Variants in CSMD1 observed in about 807,000 individuals in gnomAD.
CSMD1 encodes CUB and sushi domain-containing protein 1.
Under a neutral mutation model 417.5 loss-of-function variants are expected in CSMD1, and 213 were observed. The ratio of observed to expected loss-of-function variants is 0.51; its 90% CI spans 0.46 to 0.57. The LOEUF (loss-of-function observed/expected upper bound fraction) is 0.57. Ranked by LOEUF, CSMD1 falls within the 20% of genes least tolerant of loss-of-function variation. The probability of loss-of-function intolerance (pLI) is 0.00; values close to 1 mark genes in which losing one functional copy is unlikely to be tolerated. For missense variants in CSMD1, 6,923 were observed against 4,529.7 expected, an observed-to-expected ratio of 1.53 and a Z score of -15.17; for synonymous variants, 2,862 against 1,736.8, an observed-to-expected ratio of 1.65 and a Z score of -16.11.
At chr8:3,541,592 A>AAAAT (rs200994227) in intron 10 of CSMD1, among the ~76,000 whole-genome samples, 5,853 of 149,892 alleles carry the variant, frequency 0.039, 336 homozygotes, top group African/African-American at 0.12. Context: ...AAATAAAAAT[A>AAAAT]AAATACTCTA....
chr8:3,450,132 T>A (rs1003790044), intron 12 of CSMD1, among the ~76,000 whole-genome samples: 2 of 152,112 alleles, frequency 1.3e-5, no homozygotes, highest in African/African-American at 4.8e-5. Flanking sequence ...CACATCAGGA[T>A]TTGCTTCGAT....
chr8:4,352,922 T>C (rs1801182319), intron 3 of CSMD1, among the ~76,000 whole-genome samples: 1 of 152,196 alleles, frequency 6.6e-6, no homozygotes, highest in Non-Finnish European at 1.5e-5. Context: ...TTAGGCAAAA[T>C]ATTTATAAGT....
At chr8:4,564,159 G>A (rs566486093) in intron 2 of CSMD1, among the ~76,000 whole-genome samples, 6 of 152,282 alleles carry the variant, frequency 3.9e-5, no homozygotes, top group Non-Finnish European at 8.8e-5. Context: ...AGGTTCAGAA[G>A]ATAATGGTCA....
intron 3 of CSMD1, among the ~76,000 whole-genome samples, chr8:4,163,669 T>A (rs548365304): frequency 6.6e-6 from 1 of 152,312 alleles, no homozygotes; most frequent in Non-Finnish European, 1.5e-5. Context: ...GAAATAATTT[T>A]AAAACAAGAA....
intron 10 of CSMD1, among the ~76,000 whole-genome samples, chr8:3,558,383 C>T (rs529872639): frequency 2.5e-4 from 36 of 144,492 alleles, no homozygotes; most frequent in Non-Finnish European, 5.1e-4. Flanking sequence ...CTCAGTAGTA[C>T]CCCGTGTCCA....
intron 7 of CSMD1, among the ~76,000 whole-genome samples, chr8:3,642,793 A>G (rs1483836154): frequency 6.6e-6 from 1 of 152,148 alleles, no homozygotes; most frequent in Admixed American, 6.5e-5. Context: ...GAGTATGTAT[A>G]TGAATCCAGT....
intron 2 of CSMD1, among the ~76,000 whole-genome samples, chr8:4,579,463 A>C (rs1016590184): frequency 1.3e-5 from 2 of 151,810 alleles, no homozygotes; most frequent in African/African-American, 4.8e-5. Flanking sequence ...GGTTCAAGTA[A>C]TTCTCCTGCC....
In CSMD1 at chr8:2,965,885, T is replaced by C; in HGVS notation, c.9170A>G (p.Lys3057Arg). ...TGGGTTACACTGATAGCTCACAGTC[T>C]TGTTGAAGGTGAAGTCGGTCCCAAA... ...IQFGTDFTFN[K>R]TVSYQCNPGY... is the part of the protein sequence containing the mutation. Residue 3057 changes from lysine to arginine, a missense_variant, in exon 59 of 70, where the codon AAG (lysine) becomes AGG (arginine). Transcript: ENST00000635120. The C allele has an allele frequency of 1.2e-6, 2 of 1,610,708 alleles. No homozygotes were observed. Among genetic ancestry groups the C allele is most frequent in the Non-Finnish European group, 1.7e-6 (2 of 1,178,462 alleles).
intron 5 of CSMD1, among the ~76,000 whole-genome samples, chr8:3,827,884 C>T (rs114932123): frequency 0.029 from 4,367 of 152,244 alleles, 93 homozygotes; most frequent in African/African-American, 0.059. Context: ...AGTTTCATCC[C>T]CATGGGCTCA....
chr8:4,291,944 A>G (rs777518564), intron 3 of CSMD1, among the ~76,000 whole-genome samples: 2 of 152,212 alleles, frequency 1.3e-5, no homozygotes, highest in Non-Finnish European at 2.9e-5. Flanking sequence ...AAAAGCAGGC[A>G]GGGAGCCTGG....
chr8:4,083,943 A>G (rs934790173), intron 3 of CSMD1, among the ~76,000 whole-genome samples: 1 of 152,226 alleles, frequency 6.6e-6, no homozygotes. Context: ...ACCTACTCAC[A>G]TCTGACAAAG....
intron 41 of CSMD1, among the ~76,000 whole-genome samples, chr8:3,141,769 C>T (rs972562170): frequency 6.6e-6 from 1 of 151,062 alleles, no homozygotes; most frequent in Non-Finnish European, 1.5e-5. Flanking sequence ...TGAGCACTAC[C>T]GGCTTCCCAA....
chr8:4,901,251 T>C (rs759456492), intron 1 of CSMD1, among the ~76,000 whole-genome samples: 2 of 152,204 alleles, frequency 1.3e-5, no homozygotes, highest in Non-Finnish European at 2.9e-5. Context: ...AAGTTGTCTT[T>C]TTAACCTCTA....
chr8:3,437,431 G>A (rs897217372), intron 12 of CSMD1, among the ~76,000 whole-genome samples: 1 of 152,098 alleles, frequency 6.6e-6, no homozygotes, highest in African/African-American at 2.4e-5. Context: ...TGAATTAAAT[G>A]GGCTGTGTAA....
intron 3 of CSMD1, among the ~76,000 whole-genome samples, chr8:4,186,393 C>A (rs1277683116): frequency 1.3e-5 from 2 of 152,070 alleles, no homozygotes; most frequent in East Asian, 3.9e-4. Flanking sequence ...CTGCTCACCC[C>A]AAGACAGTCC....
At chr8:3,489,895 G>C (rs912360174) in intron 11 of CSMD1, among the ~76,000 whole-genome samples, 3 of 152,186 alleles carry the variant, frequency 2.0e-5, no homozygotes, top group Non-Finnish European at 2.9e-5. Context: ...CTGCCATGAA[G>C]AGGTTTTAAA....
chr8:4,376,668 C>G (rs913819160), intron 3 of CSMD1, among the ~76,000 whole-genome samples: 2 of 152,184 alleles, frequency 1.3e-5, no homozygotes, highest in African/African-American at 4.8e-5. Context: ...GCTCATATCA[C>G]ACCGTTGTTA....
chr8:4,344,877 C>G (rs948128854), intron 3 of CSMD1, among the ~76,000 whole-genome samples: 1 of 152,084 alleles, frequency 6.6e-6, no homozygotes, highest in African/African-American at 2.4e-5. Context: ...GCGATAAGGA[C>G]AACTCAAATA....
intron 5 of CSMD1, among the ~76,000 whole-genome samples, chr8:3,759,419 G>T (rs371696908): frequency 6.6e-6 from 1 of 152,134 alleles, no homozygotes; most frequent in Non-Finnish European, 1.5e-5. Context: ...AGTGACTGAA[G>T]ATCTACCGCT....
Sources: gnomAD v4.1 joint callset for allele counts (sites outside exome capture counted in the v4.1 genomes callset) on GRCh38, gnomAD v4.1.1 for gene constraint, MANE v1.5 for transcripts, NCBI Gene and HGNC (gene_info 2026-07-23, HGNC 2026-07-21) for gene names.